The following LRCH2 variants were observed in gnomAD, a reference collection of about 807,000 sequenced individuals.
LRCH2 encodes leucine-rich repeat and calponin homology domain-containing protein 2.
LRCH2 carries 38 observed loss-of-function variants against 68.9 expected under a neutral mutation model. The observed-to-expected ratio is 0.55, with a 90% CI of 0.43 to 0.72. The LOEUF (loss-of-function observed/expected upper bound fraction) is 0.72. LRCH2 is among the 30% of genes least tolerant of loss of function. The pLI is 0.00. For missense variants in LRCH2, 528 were observed against 572.9 expected (o/e 0.92, Z 0.80); for synonymous variants, 191 against 208.1 (o/e 0.92, Z 0.71).
At chrX:115,147,766 A>G (rs1317857456) in intron 14 of LRCH2, among the ~76,000 whole-genome samples, 1 of 111,453 alleles carries the variant, frequency 9.0e-6, no homozygotes, top group Non-Finnish European at 1.9e-5. Flanking sequence ...ACGTTTTTTA[A>G]ACACTAAAAG....
chrX:115,158,439 C>T (rs906342382), intron 11 of LRCH2, among the ~76,000 whole-genome samples: 5 of 111,924 alleles, frequency 4.5e-5, no homozygotes, highest in Admixed American at 1.9e-4. Flanking sequence ...TAACATGATG[C>T]TCCTCAAATT....
chrX:115,127,490 G>C (rs781991642), intron 15 of LRCH2, among the ~76,000 whole-genome samples: 3 of 111,746 alleles, frequency 2.7e-5, no homozygotes, highest in African/African-American at 9.7e-5. Flanking sequence ...CACTATGCTA[G>C]ACAGTGAGAG....
At chrX:115,134,350 A>T (rs1472107491) in intron 14 of LRCH2, among the ~76,000 whole-genome samples, 2 of 112,565 alleles carry the variant, frequency 1.8e-5, no homozygotes, top group African/African-American at 6.5e-5. Context: ...AAGACAATTG[A>T]TGAAGGTGAC....
Position 115,192,381 on chromosome X carries a change from A to C in LRCH2, c.350-4011T>G, listed in dbSNP as rs902272959. 9.5e-6 allele frequency: 11 copies of C among 1,157,885 alleles called. No homozygotes were observed. In the Admixed American group the frequency reaches 1.1e-4, roughly 11 times the overall value. ...GCCTGAGCGACCGCTACGGAGGAGGAGGCCACTACGAGGAGTACCAGGGCA... is the reference window on the plus strand; with the variant it reads ...GCCTGAGCGACCGCTACGGAGGAGGCGGCCACTACGAGGAGTACCAGGGCA... On this transcript the variant is annotated intron_variant, in intron 1 of 20. Coordinates refer to ENST00000317135, the MANE Select transcript of LRCH2 (RefSeq NM_020871.4).
chrX:115,123,933 A>G lies in LRCH2; in HGVS notation c.1849+12T>C, dbSNP rs1453379063. 10 of 1,053,277 alleles carry G rather than the reference A, an allele frequency of 9.5e-6. No homozygotes were observed. The Admixed American group carries it at 1.2e-4, about 12-fold the overall frequency. 86.8% of individuals were successfully genotyped at this position (1,053,277 alleles called of 1,213,427 possible). A position where few individuals can be genotyped will look rare whatever the true frequency, so the allele number is the denominator to read the frequency against. On this transcript the variant is annotated intron_variant, in intron 17 of 20. Transcript: ENST00000317135. Reference sequence around the variant, plus strand: ...ATAACTAATAAATTTTATTTACAGAATATCTATTTACCTGATCTAGGCTTC... The same window carrying G: ...ATAACTAATAAATTTTATTTACAGAGTATCTATTTACCTGATCTAGGCTTC...
intron 5 of LRCH2, among the ~76,000 whole-genome samples, chrX:115,175,509 A>G (rs2072640005): frequency 9.0e-6 from 1 of 111,575 alleles, no homozygotes; most frequent in Non-Finnish European, 1.9e-5. Context: ...ATCTATTACC[A>G]TTAGCTCATG....
intron 18 of LRCH2, 41 bp downstream of exon 18, chrX:115,123,039 C>A: frequency 8.6e-7 from 1 of 1,157,534 alleles, no homozygotes. Flanking sequence ...CAAGTTAAAC[C>A]CATTTCCACA....
chrX:115,156,694 C>A, intron 11 of LRCH2, 27 bp from the exon 12 acceptor site: 2 of 975,151 alleles, frequency 2.1e-6, no homozygotes, highest in Non-Finnish European at 2.7e-6. Flanking sequence ...ACATTAATTC[C>A]CAAATCTATT....
intron 1 of LRCH2, among the ~76,000 whole-genome samples, chrX:115,207,369 T>C (rs950522038): frequency 5.5e-5 from 6 of 109,910 alleles, no homozygotes; most frequent in African/African-American, 1.7e-4. Context: ...CGAAACCCTA[T>C]CTCTACAAAA....
intron 1 of LRCH2, among the ~76,000 whole-genome samples, chrX:115,222,038 A>C (rs1344635477): frequency 1.8e-5 from 2 of 111,424 alleles, no homozygotes; most frequent in African/African-American, 6.5e-5. Context: ...TAGAGGTCCG[A>C]GGCAGTATGA....
intron 11 of LRCH2, among the ~76,000 whole-genome samples, chrX:115,163,251 T>C (rs1242737538): frequency 9.0e-6 from 1 of 111,325 alleles, no homozygotes; most frequent in Non-Finnish European, 1.9e-5. Context: ...TCATGACATG[T>C]ACCTAGAAAA....
intron 1 of LRCH2, among the ~76,000 whole-genome samples, chrX:115,219,891 G>A (rs1385255342): frequency 9.0e-6 from 1 of 111,568 alleles, no homozygotes; most frequent in East Asian, 2.8e-4. Flanking sequence ...GATTGTGGTT[G>A]AGCCTTGCCT....
chrX:115,123,648 T>C (rs1406752154), intron 17 of LRCH2, among the ~76,000 whole-genome samples: 1 of 112,024 alleles, frequency 8.9e-6, no homozygotes, highest in African/African-American at 3.2e-5. Flanking sequence ...AGTGCTATAA[T>C]TTCAAACAGT....
intron 14 of LRCH2, among the ~76,000 whole-genome samples, chrX:115,135,122 C>CTT (rs35620352): frequency 3.5e-4 from 31 of 88,214 alleles, no homozygotes; most frequent in East Asian, 1.0e-3. Context: ...TCTTTTCTTT[C>CTT]TTTTTTTTTT....
At chrX:115,125,518 T>C (rs1427300591) in intron 16 of LRCH2, among the ~76,000 whole-genome samples, 1 of 184 alleles carries the variant, frequency 5.4e-3, no homozygotes, top group Non-Finnish European at 0.014. Flanking sequence ...TATATATATA[T>C]ATATATATAT....
chrX:115,121,722 T>C (rs782047968), intron 20 of LRCH2, among the ~76,000 whole-genome samples: 4 of 112,136 alleles, frequency 3.6e-5, no homozygotes, highest in Admixed American at 9.5e-5. Context: ...TTAGAGAACA[T>C]TATGTAATTT....
chrX:115,207,528 C>T (rs1350574227), intron 1 of LRCH2, among the ~76,000 whole-genome samples: 11 of 111,468 alleles, frequency 9.9e-5, no homozygotes, highest in African/African-American at 3.6e-4. Flanking sequence ...GACAGTGAGA[C>T]CCTGTCTTTT....
At chrX:115,215,985 C>T (rs1354660368) in intron 1 of LRCH2, among the ~76,000 whole-genome samples, 2 of 110,462 alleles carry the variant, frequency 1.8e-5, no homozygotes, top group African/African-American at 3.3e-5. Context: ...CAATTAATAG[C>T]AATTTTTGAT....
At chrX:115,232,509 G>A (rs782161064) in intron 1 of LRCH2, among the ~76,000 whole-genome samples, 1 of 111,347 alleles carries the variant, frequency 9.0e-6, no homozygotes, top group East Asian at 2.8e-4. Flanking sequence ...AAGAATCACT[G>A]GGTGGAAAGC....
Sources: allele counts gnomAD v4.1 joint callset (sites outside exome capture counted in the v4.1 genomes callset), GRCh38; gene constraint gnomAD v4.1.1; transcripts MANE v1.5; gene names NCBI Gene and HGNC (gene_info 2026-07-23, HGNC 2026-07-21).